The following IGSF10 variants were observed in gnomAD, a reference collection of about 807,000 sequenced individuals.
IGSF10 encodes immunoglobulin superfamily member 10.
A neutral mutation model predicts 128.2 loss-of-function variants in IGSF10; 126 were observed. The ratio of observed to expected loss-of-function variants is 0.98; its 90% CI spans 0.85 to 1.14. The LOEUF (loss-of-function observed/expected upper bound fraction) is 1.14, where lower values mean the gene tolerates loss of function less well. IGSF10 is among the 50% of genes most tolerant of loss of function. IGSF10 has a pLI of 0.00. For synonymous variants in IGSF10, 1,185 were observed against 1,146.2 expected (o/e 1.03, Z -0.68); for missense variants, 3,295 against 3,149.8 (o/e 1.05, Z -1.10).
Position 151,458,714 on chromosome 3 carries a change from A to G in IGSF10, c.-1-4T>C, listed in dbSNP as rs1721921597. ...TCCTCTGCCTTTTACCTTCATCCTG[A>G]AAAAACATCATACCTCAGAGTTATA... On this transcript the variant is annotated splice_polypyrimidine_tract_variant and splice_region_variant and intron_variant, in intron 2 of 7. Transcript: ENST00000282466. 1.2e-6 allele frequency: 2 copies of G among 1,610,814 alleles called. No individual in the cohort carries two copies. Among genetic ancestry groups the G allele is most frequent in the East Asian group, 4.5e-5 (2 of 44,864 alleles).
the IGSF10 span, among the ~76,000 whole-genome samples, chr3:151,593,406 C>T: frequency 6.6e-6 from 1 of 152,198 alleles, no homozygotes. Context: ...GCCACCATGC[C>T]TGGCTTCTAA....
chr3:151,498,326 T>C, the IGSF10 span, among the ~76,000 whole-genome samples: 1,991 of 152,300 alleles, frequency 0.013, 95 homozygotes, highest in East Asian at 0.17. Flanking sequence ...TAGCTCTCAT[T>C]ATTTTGAGAT....
the IGSF10 span, among the ~76,000 whole-genome samples, chr3:151,479,312 G>A: frequency 1.3e-5 from 2 of 152,012 alleles, no homozygotes; most frequent in African/African-American, 2.4e-5. Flanking sequence ...TGCACATATT[G>A]AAAACAAATG....
At chr3:151,523,306 G>GA in the IGSF10 span, among the ~76,000 whole-genome samples, 1 of 151,984 alleles carries the variant, frequency 6.6e-6, no homozygotes, top group Non-Finnish European at 1.5e-5. Context: ...CACAGAACTA[G>GA]AAAAAACTAT....
At chr3:151,490,452 T>C in the IGSF10 span, among the ~76,000 whole-genome samples, 5 of 151,024 alleles carry the variant, frequency 3.3e-5, no homozygotes, top group South Asian at 1.0e-3. Flanking sequence ...TATTCAACAA[T>C]GGATAGATCA....
rs541648058 is a variant in IGSF10 at position 151,456,935 on chromosome 3, C to T, written c.324+91G>A. On this transcript the variant is annotated intron_variant, in intron 4 of 7. Coordinates refer to ENST00000282466, the MANE Select transcript of IGSF10 (RefSeq NM_178822.5). ...TTCTAATTTACAGAATGTTGATTTT[C>T]GTATTGTGTAGAGATAGGCAGCCTT... The T allele has an allele frequency of 2.3e-4, 281 of 1,242,462 alleles. 1 individual carries two copies. The South Asian group carries it at 2.7e-3, about 12-fold the overall frequency. 77.0% of individuals were successfully genotyped at this position (1,242,462 alleles called of 1,614,324 possible).
At chr3:151,576,289 G>C in the IGSF10 span, among the ~76,000 whole-genome samples, 1 of 151,564 alleles carries the variant, frequency 6.6e-6, no homozygotes, top group Non-Finnish European at 1.5e-5. Context: ...TCTTAATTTA[G>C]GTCTTTTGGC....
At chr3:151,529,913 G>A in the IGSF10 span, among the ~76,000 whole-genome samples, 34 of 152,038 alleles carry the variant, frequency 2.2e-4, no homozygotes, top group Admixed American at 7.9e-4. Context: ...AAACTCCTCC[G>A]AGTTAAAGGA....
In IGSF10 at chr3:151,448,415, G is replaced by A. The variant is rs1284354359; in HGVS notation, c.1566C>T (p.Val522=). ...ADGSKVRAPY[V]SEDGRILIDK... ...CTATTAGGATCCGTCCATCCTCACT[G>A]ACATAAGGGGCTCTCACTTTACTTC... The change falls in exon 6 of 8, where the codon GTC becomes GTT. Residue 522 remains valine, a synonymous_variant. Transcript: ENST00000282466. 6.2e-7 allele frequency: 1 copy of A among 1,614,200 alleles called. No homozygotes were observed. Among genetic ancestry groups the A allele is most frequent in the Non-Finnish European group, 8.5e-7 (1 of 1,180,038 alleles).
chr3:151,457,301 T>C, intron 3 of IGSF10, 146 bp from the exon 4 acceptor site: 2 of 759,794 alleles, frequency 2.6e-6, no homozygotes, highest in Non-Finnish European at 4.1e-6. Flanking sequence ...AAAACTGAAA[T>C]TCACCAGATG....
the IGSF10 span, among the ~76,000 whole-genome samples, chr3:151,535,481 C>T: frequency 6.6e-6 from 1 of 152,162 alleles, no homozygotes; most frequent in Non-Finnish European, 1.5e-5. Flanking sequence ...GAAAATCTAA[C>T]TATTCGGTAC....
chr3:151,606,321 T>C, the IGSF10 span, among the ~76,000 whole-genome samples: 19 of 152,302 alleles, frequency 1.2e-4, no homozygotes, highest in African/African-American at 3.8e-4. Flanking sequence ...TCTCATGATA[T>C]AATATAGGTC....
chr3:151,549,045 T>G, the IGSF10 span, among the ~76,000 whole-genome samples: 2 of 152,198 alleles, frequency 1.3e-5, no homozygotes, highest in Admixed American at 1.3e-4. Flanking sequence ...AGTTTTCTTC[T>G]ACTTGCATAG....
Position 151,443,746 on chromosome 3 carries a change from A to C in IGSF10, c.5201T>G (p.Leu1734Arg), listed in dbSNP as rs1220055237. The change falls in exon 7 of 8, where the codon CTT becomes CGT. Residue 1734 changes from leucine (L) to arginine (R), a missense_variant. Leu to Arg is a moderately radical substitution (Grantham distance 102). Transcript: ENST00000282466. ...GGAAACCACAGACAAGGTGACATGA[A>C]GGTGGTCTGTGCCAAACAGATTGGA... ...SASNLFGTDH[L>R]HVTLSVVSYP... is the part of the protein sequence containing the mutation. 4 of 1,614,062 alleles carry C rather than the reference A, an allele frequency of 2.5e-6. No homozygotes were observed. In the African/African-American group the frequency reaches 5.3e-5, roughly 22 times the overall value.
intron 1 of IGSF10, among the ~76,000 whole-genome samples, chr3:151,460,735 T>G (rs975444879): frequency 1.4e-5 from 2 of 147,354 alleles, no homozygotes; most frequent in Admixed American, 6.7e-5. Context: ...CAGTGTGTGT[T>G]TTTTTTTTTT....
chr3:151,610,172 G>A, the IGSF10 span, among the ~76,000 whole-genome samples: 1 of 152,138 alleles, frequency 6.6e-6, no homozygotes, highest in Non-Finnish European at 1.5e-5. Context: ...TGGAAGGAGA[G>A]CATTGGTAAA....
the IGSF10 span, among the ~76,000 whole-genome samples, chr3:151,519,695 A>T: frequency 6.6e-6 from 1 of 151,778 alleles, no homozygotes; most frequent in Non-Finnish European, 1.5e-5. Flanking sequence ...TAAAAAGGCA[A>T]AATAAAGCAA....
the IGSF10 span, among the ~76,000 whole-genome samples, chr3:151,596,475 T>C: frequency 1.1e-5 from 1 of 87,104 alleles, no homozygotes; most frequent in African/African-American, 5.1e-5. Flanking sequence ...TATTATGGTG[T>C]TTATGTGTGT....
chr3:151,505,534 G>A, the IGSF10 span, among the ~76,000 whole-genome samples: 1 of 152,034 alleles, frequency 6.6e-6, no homozygotes, highest in East Asian at 1.9e-4. Context: ...AGGTGAAAAG[G>A]GGATCCTTAG....
Sources: gnomAD v4.1 joint callset for allele counts (sites outside exome capture counted in the v4.1 genomes callset) on GRCh38, gnomAD v4.1.1 for gene constraint, MANE v1.5 for transcripts, NCBI Gene and HGNC (gene_info 2026-07-23, HGNC 2026-07-21) for gene names.